Variants in TRDN observed in about 807,000 individuals in gnomAD.
The protein encoded by TRDN is triadin in skeletal muscle.
TRDN carries 161 observed loss-of-function variants against 149.7 expected under a neutral mutation model. The observed-to-expected ratio is 1.08, with a 90% confidence interval of 0.95 to 1.23. The LOEUF (loss-of-function observed/expected upper bound fraction) is 1.23, where lower values mean the gene tolerates loss of function less well. Ranked by LOEUF, TRDN falls within the 50% of genes most tolerant of loss-of-function variation. The pLI is 0.00. For synonymous variants in TRDN, 294 were observed against 250.5 expected (o/e 1.17, Z -1.64); for missense variants, 896 against 823.5 (o/e 1.09, Z -1.08).
rs1424864335 is a variant in TRDN, at chr6:123,217,400, T to C, written c.*1201A>G. The C allele has an allele frequency of 6.6e-6, 1 of 151,976 alleles. No homozygotes were observed. Among genetic ancestry groups the C allele is most frequent in the Non-Finnish European group, 1.5e-5 (1 of 67,930 alleles). 9.4% of individuals were successfully genotyped at this position (151,976 alleles called of 1,614,324 possible). ...AACTCAATTTATTTCCTGAGTTAATTTGTCATAAGTTCAGTTGCAATTGTA... is the reference window on the plus strand; with the variant it reads ...AACTCAATTTATTTCCTGAGTTAATCTGTCATAAGTTCAGTTGCAATTGTA... On this transcript the variant is annotated 3_prime_UTR_variant, in exon 41 of 41. Transcript: ENST00000334268.
chr6:123,438,516 A>G (rs1321063157), intron 11 of TRDN, among the ~76,000 whole-genome samples: 3 of 152,170 alleles, frequency 2.0e-5, no homozygotes, highest in Non-Finnish European at 4.4e-5. Flanking sequence ...TTGGGACATC[A>G]GATAAATTAT....
chr6:123,571,040 C>G lies in TRDN; in HGVS notation c.115G>C (p.Asp39His). 1 of 1,614,004 alleles carries G rather than the reference C, an allele frequency of 6.2e-7. No homozygotes were observed. The highest frequency in any genetic ancestry group is 8.5e-7 in the Non-Finnish European group (1 of 1,179,864). The change falls in exon 2 of 41, where the codon GAC becomes CAC. Residue 39 changes from aspartate (D) to histidine (H), a missense_variant. Asp to His is a moderately conservative substitution (Grantham distance 81). Coordinates refer to ENST00000334268, the MANE Select transcript of TRDN (RefSeq NM_006073.4). ...GGGGAGCTGAACGTCGTCACTATGT[C>G]TTCTGTGACTGTCCTCTTCAGCACT... ...GKVLKRTVTE[D>H]IVTTFSSPAA...
At chr6:123,427,207 T>C (rs1774159337) in intron 12 of TRDN, among the ~76,000 whole-genome samples, 1 of 151,754 alleles carries the variant, frequency 6.6e-6, no homozygotes, top group Non-Finnish European at 1.5e-5. Context: ...AGAGATGGTG[T>C]CAGCTCAGGT....
chr6:123,294,252 G>A (rs1778111872), intron 24 of TRDN, among the ~76,000 whole-genome samples: 1 of 152,158 alleles, frequency 6.6e-6, no homozygotes, highest in African/African-American at 2.4e-5. Flanking sequence ...GATATAACCA[G>A]GGCACTGACC....
chr6:123,314,759 G>T (rs7769334), intron 24 of TRDN, among the ~76,000 whole-genome samples: 1 of 151,950 alleles, frequency 6.6e-6, no homozygotes, highest in Admixed American at 6.6e-5. Flanking sequence ...ACCAAATACC[G>T]CATGTTCTCA....
At chr6:123,344,295 T>C (rs918391607) in intron 21 of TRDN, among the ~76,000 whole-genome samples, 1 of 152,022 alleles carries the variant, frequency 6.6e-6, no homozygotes, top group Admixed American at 6.6e-5. Context: ...CCAAAGTCCA[T>C]AGTTTACATT....
In TRDN at chr6:123,548,491, A is replaced by G; in HGVS notation, c.354T>C (p.Asp118=). The part of the protein sequence containing the change: ...SLLSDIISSE[D]EEDDDGDEDT... Reference sequence around the variant, plus strand: ...CTTCGTCACCATCATCATCTTCTTCATCTTCAGATGAGATGATGTCAGATA... The same window carrying G: ...CTTCGTCACCATCATCATCTTCTTCGTCTTCAGATGAGATGATGTCAGATA... Residue 118 remains aspartate, a synonymous_variant, in exon 3 of 41, where the codon GAT becomes GAC. Coordinates refer to ENST00000334268, the MANE Select transcript of TRDN (RefSeq NM_006073.4). The G allele has an allele frequency of 6.3e-7, 1 of 1,575,204 alleles. No individual in the cohort carries two copies. Among genetic ancestry groups the G allele is most frequent in the Non-Finnish European group, 8.6e-7 (1 of 1,160,714 alleles).
At chr6:123,632,433 T>G (rs1786054617) in intron 1 of TRDN, among the ~76,000 whole-genome samples, 1 of 152,050 alleles carries the variant, frequency 6.6e-6, no homozygotes, top group South Asian at 2.1e-4. Flanking sequence ...CTTTTATCCA[T>G]GGGTCTGTGC....
chr6:123,461,280 G>C (rs1350885805), intron 10 of TRDN, among the ~76,000 whole-genome samples: 1 of 152,116 alleles, frequency 6.6e-6, no homozygotes, highest in Non-Finnish European at 1.5e-5. Context: ...CTTCTCTCTA[G>C]AGTTCTCTTG....
chr6:123,483,324 G>A (rs2092552875), intron 9 of TRDN, among the ~76,000 whole-genome samples: 2 of 151,378 alleles, frequency 1.3e-5, no homozygotes, highest in African/African-American at 2.4e-5. Context: ...GGATGGTCTC[G>A]GTCTCCTGAC....
At chr6:123,461,927 T>G (rs1190225370) in intron 10 of TRDN, among the ~76,000 whole-genome samples, 1 of 152,216 alleles carries the variant, frequency 6.6e-6, no homozygotes, top group African/African-American at 2.4e-5. Flanking sequence ...TGTAGGCGTT[T>G]CAGCCCTAGT....
chr6:123,335,601 T>G (rs944292832), intron 22 of TRDN, among the ~76,000 whole-genome samples: 40 of 151,882 alleles, frequency 2.6e-4, no homozygotes, highest in Admixed American at 5.3e-4. Flanking sequence ...TAACAATTAT[T>G]CCTCCAACTA....
chr6:123,632,479 T>G (rs1450421077), intron 1 of TRDN, among the ~76,000 whole-genome samples: 1 of 152,070 alleles, frequency 6.6e-6, no homozygotes, highest in African/African-American at 2.4e-5. Context: ...AAAAATCCAG[T>G]CTTCTACTTA....
chr6:123,412,766 A>G (rs549350113), intron 12 of TRDN, among the ~76,000 whole-genome samples: 2 of 152,296 alleles, frequency 1.3e-5, no homozygotes, highest in African/African-American at 4.8e-5. Context: ...TTAAAAATTA[A>G]CTAAAACAAT....
intron 14 of TRDN, 34 bp from the exon 15 acceptor site, chr6:123,382,181 G>C: frequency 7.0e-7 from 1 of 1,430,932 alleles, no homozygotes. Context: ...TAATAAAACA[G>C]ATACAATAAA....
chr6:123,420,628 G>A (rs1773857615), intron 12 of TRDN, among the ~76,000 whole-genome samples: 1 of 152,140 alleles, frequency 6.6e-6, no homozygotes, highest in Admixed American at 6.5e-5. Context: ...CAGATGGGAG[G>A]CAAATCCTTT....
intron 19 of TRDN, among the ~76,000 whole-genome samples, chr6:123,369,688 C>T (rs1781248106): frequency 6.6e-6 from 1 of 152,180 alleles, no homozygotes; most frequent in African/African-American, 2.4e-5. Context: ...GACTAAATTA[C>T]ATCACTGTTC....
At position 123,547,349 on chromosome 6, in the gene TRDN, T is replaced by C; in HGVS notation, c.415A>G (p.Arg139Gly). 1 of 1,463,764 alleles carries C rather than the reference T, an allele frequency of 6.8e-7. No individual in the cohort carries two copies. The highest frequency in any genetic ancestry group is 9.1e-7 in the Non-Finnish European group (1 of 1,101,720). The allele number at this position is 1,463,764 out of a possible 1,614,324, so 90.7% of individuals were successfully genotyped here. ...DKGEIDEPPL[R>G]KKEIHKDKTE... ...GGTGAAAACAACTAACCTTTTTTTC[T>C]CAAGGGAGGCTCATCTATTTCTCCT... Residue 139 changes from arginine (R) to glycine (G), a missense_variant, in exon 4 of 41, where the codon AGA becomes GGA. Coordinates refer to ENST00000334268, the MANE Select transcript of TRDN (RefSeq NM_006073.4).
chr6:123,626,682 C>A (rs935592376), intron 1 of TRDN, among the ~76,000 whole-genome samples: 1 of 151,916 alleles, frequency 6.6e-6, no homozygotes, highest in Non-Finnish European at 1.5e-5. Context: ...TGACCTCCTG[C>A]CATGAATCAA....
Sources: gnomAD v4.1 joint callset for allele counts (sites outside exome capture counted in the v4.1 genomes callset) on GRCh38, gnomAD v4.1.1 for gene constraint, MANE v1.5 for transcripts, NCBI Gene and HGNC (gene_info 2026-07-23, HGNC 2026-07-21) for gene names.